The following PDE1A variants were observed in gnomAD, a reference collection of about 807,000 sequenced individuals.
The protein encoded by PDE1A is dual specificity calcium/calmodulin-dependent 3',5'-cyclic nucleotide phosphodiesterase 1A.
A neutral mutation model predicts 61.7 loss-of-function variants in PDE1A; 35 were observed. The observed-to-expected ratio is 0.57, with a 90% CI of 0.43 to 0.75. The LOEUF (loss-of-function observed/expected upper bound fraction) is 0.75. Among genes scored for constraint, PDE1A ranks in the 30% least tolerant of loss-of-function variants. The probability of loss-of-function intolerance (pLI) is 0.00; values close to 1 mark genes in which losing one functional copy is unlikely to be tolerated. For synonymous variants in PDE1A, 232 were observed against 213.2 expected, an observed-to-expected ratio of 1.09 and a Z score of -0.77; for missense variants, 597 against 630.6, an observed-to-expected ratio of 0.95 and a Z score of 0.57.
At chr2:182,487,542 A>T (rs1399008010) in intron 2 of PDE1A, among the ~76,000 whole-genome samples, 1 of 152,206 alleles carries the variant, frequency 6.6e-6, no homozygotes, top group African/African-American at 2.4e-5. Context: ...GACATCTATA[A>T]AATTGAAAAC....
intron 13 of PDE1A, among the ~76,000 whole-genome samples, chr2:182,154,883 T>G (rs1226859854): frequency 1.3e-5 from 2 of 152,178 alleles, no homozygotes; most frequent in Admixed American, 6.5e-5. Flanking sequence ...ACTTTCAATG[T>G]GGAATTTTAT....
chr2:182,465,116 C>G (rs1686568015), intron 2 of PDE1A, among the ~76,000 whole-genome samples: 1 of 151,970 alleles, frequency 6.6e-6, no homozygotes, highest in Non-Finnish European at 1.5e-5. Context: ...AAAAAATAAA[C>G]TGTGATGGCT....
intron 2 of PDE1A, among the ~76,000 whole-genome samples, chr2:182,243,758 T>C (rs2568675): frequency 0.23 from 35,325 of 152,196 alleles, 4,503 homozygotes; most frequent in East Asian, 0.33. Flanking sequence ...AATGGTCTTT[T>C]ATTTTGGAAG....
upstream of PDE1A, among the ~76,000 whole-genome samples, chr2:182,526,487 G>A (rs1690776345): frequency 6.6e-6 from 1 of 151,850 alleles, no homozygotes; most frequent in African/African-American, 2.4e-5. Context: ...GGCTACCCAT[G>A]TAGTCAATTT....
At chr2:182,538,538 C>A in the PDE1A span, among the ~76,000 whole-genome samples, 37 of 151,602 alleles carry the variant, frequency 2.4e-4, no homozygotes, top group Non-Finnish European at 4.7e-4. Context: ...ACTCTATATT[C>A]TTATTAGCCT....
At position 182,324,525 on chromosome 2, in the gene PDE1A, T is replaced by A. The variant is rs187094034; in HGVS notation, c.54-60111A>T. 6.6e-4 allele frequency among the ~76,000 whole-genome samples: 101 copies of A among 152,300 alleles called. 1 individual carries two copies. Among genetic ancestry groups the A allele is most frequent in the African/African-American group, 2.3e-3 (96 of 41,576 alleles). Reference sequence around the variant, plus strand: ...ACAGATGAAAATCAGAGACCTTCTATGTAATCTTAAATATTTAGACTTTCC... The same window carrying A: ...ACAGATGAAAATCAGAGACCTTCTAAGTAATCTTAAATATTTAGACTTTCC... On this transcript the variant is annotated intron_variant, in intron 1 of 13. Coordinates refer to ENST00000351439, the Ensembl canonical transcript of PDE1A.
chr2:182,205,817 C>A, intron 8 of PDE1A, 123 bp downstream of exon 8: 1 of 793,824 alleles, frequency 1.3e-6, no homozygotes, highest in East Asian at 2.7e-5. Context: ...GTCATCCAGT[C>A]GACAGTAATT....
Position 182,212,430 on chromosome 2 carries a change from G to A in PDE1A, c.777-6365C>T, listed in dbSNP as rs182740902. 4.4e-4 allele frequency among the ~76,000 whole-genome samples: 67 copies of A among 152,284 alleles called. 1 individual carries two copies. The East Asian group carries it at 0.013, about 29-fold the overall frequency. ...GGGGAGGAGCCAAGATGGCAGAATAGGAACAGCTCCGGTCTACAGCTCCCA... is the reference window on the plus strand; with the variant it reads ...GGGGAGGAGCCAAGATGGCAGAATAAGAACAGCTCCGGTCTACAGCTCCCA... On this transcript the variant is annotated intron_variant, in intron 7 of 13. Coordinates refer to ENST00000351439, the Ensembl canonical transcript of PDE1A.
At chr2:182,578,457 G>A in the PDE1A span, among the ~76,000 whole-genome samples, 1 of 152,092 alleles carries the variant, frequency 6.6e-6, no homozygotes, top group Non-Finnish European at 1.5e-5. Flanking sequence ...ATATTATTAA[G>A]GTTTAAATTA....
the PDE1A span, among the ~76,000 whole-genome samples, chr2:182,536,536 G>A: frequency 5.3e-5 from 8 of 152,232 alleles, no homozygotes; most frequent in African/African-American, 1.9e-4. Context: ...TAAAAGCTTT[G>A]CCTTTATAGG....
At chr2:182,339,107 T>G (rs1698020613) in intron 1 of PDE1A, among the ~76,000 whole-genome samples, 1 of 152,204 alleles carries the variant, frequency 6.6e-6, no homozygotes, top group South Asian at 2.1e-4. Context: ...TCAAGGCATA[T>G]TTCCTCTTCT....
At chr2:182,389,503 T>A (rs1277226332) in intron 1 of PDE1A, among the ~76,000 whole-genome samples, 1 of 151,942 alleles carries the variant, frequency 6.6e-6, no homozygotes, top group Non-Finnish European at 1.5e-5. Flanking sequence ...ATACTTAATA[T>A]CAGTAATCAT....
chr2:182,597,877 A>C, the PDE1A span, among the ~76,000 whole-genome samples: 2 of 152,214 alleles, frequency 1.3e-5, no homozygotes, highest in Non-Finnish European at 2.9e-5. Flanking sequence ...AGCAGTTTGG[A>C]GACTTCTCAA....
chr2:182,160,145 A>G (rs551778578), intron 13 of PDE1A, among the ~76,000 whole-genome samples: 30 of 152,336 alleles, frequency 2.0e-4, no homozygotes, highest in African/African-American at 7.2e-4. Flanking sequence ...GTAAGGAACC[A>G]GAATTGAAAA....
chr2:182,456,015 C>T (rs562638838), intron 2 of PDE1A, among the ~76,000 whole-genome samples: 173 of 151,826 alleles, frequency 1.1e-3, no homozygotes, highest in African/African-American at 3.7e-3. Flanking sequence ...ACACATTAAA[C>T]TTATGCATTT....
At chr2:182,599,116 G>C in the PDE1A span, among the ~76,000 whole-genome samples, 2 of 152,184 alleles carry the variant, frequency 1.3e-5, no homozygotes, top group African/African-American at 4.8e-5. Flanking sequence ...CATGGCTGCA[G>C]ACTCATGCAT....
At chr2:182,333,004 C>T (rs944906510) in intron 1 of PDE1A, among the ~76,000 whole-genome samples, 4 of 152,064 alleles carry the variant, frequency 2.6e-5, no homozygotes, top group Non-Finnish European at 5.9e-5. Context: ...TAATGGTAAA[C>T]GAACCAATGC....
At chr2:182,475,893 G>GT (rs1360248364) in intron 2 of PDE1A, among the ~76,000 whole-genome samples, 3 of 151,878 alleles carry the variant, frequency 2.0e-5, no homozygotes, top group Admixed American at 2.0e-4. Flanking sequence ...AGATAACATA[G>GT]TTTTTAACAT....
chr2:182,679,902 G>C, the PDE1A span, among the ~76,000 whole-genome samples: 314 of 152,298 alleles, frequency 2.1e-3, 2 homozygotes, highest in Middle Eastern at 0.017. Context: ...ATGGTGGGTA[G>C]GGGGAAGATG....
Sources: gnomAD v4.1 joint callset for allele counts (sites outside exome capture counted in the v4.1 genomes callset) on GRCh38, gnomAD v4.1.1 for gene constraint, MANE v1.5 for transcripts, NCBI Gene and HGNC (gene_info 2026-07-23, HGNC 2026-07-21) for gene names.